DNAJC15: variants seen among roughly 807,000 people sequenced by gnomAD.
DNAJC15 encodes DnaJ heat shock protein family (Hsp40) member C15.
DNAJC15 carries 27 observed loss-of-function variants against 22.4 expected under a neutral mutation model. That is an observed-to-expected ratio of 1.20 (90% CI 0.89 to 1.66). The LOEUF (loss-of-function observed/expected upper bound fraction) is 1.66. DNAJC15 is among the 40% of genes most tolerant of loss of function. The pLI is 0.00. For missense variants in DNAJC15, 208 were observed against 187.1 expected (o/e 1.11, Z -0.65); for synonymous variants, 79 against 63.2 (o/e 1.25, Z -1.19).
intron 5 of DNAJC15, among the ~76,000 whole-genome samples, chr13:43,100,959 T>C (rs1405848268): frequency 6.6e-6 from 1 of 152,222 alleles, no homozygotes; most frequent in Admixed American, 6.5e-5. Flanking sequence ...ATGTTTACAG[T>C]TGTCCCATCT....
chr13:43,113,033 A>G lies in DNAJC15; in HGVS notation c.*5785A>G, dbSNP rs2040831818. ...TAGCAAAAGTTCTGTTGTAAAGTTTAGCAGAGTGACTTTCTTTGACTCAGA... is the reference window on the plus strand; with the variant it reads ...TAGCAAAAGTTCTGTTGTAAAGTTTGGCAGAGTGACTTTCTTTGACTCAGA... On this transcript the variant is annotated 3_prime_UTR_variant, in exon 6 of 6. Coordinates refer to ENST00000379221, the MANE Select transcript of DNAJC15 (RefSeq NM_013238.3). 6.6e-6 allele frequency: 1 copy of G among 152,228 alleles called. No individual in the cohort carries two copies. The highest frequency in any genetic ancestry group is 2.1e-4 in the South Asian group (1 of 4,836). 9.4% of individuals were successfully genotyped at this position (152,228 alleles called of 1,614,324 possible).
chr13:43,109,055 T>C lies in DNAJC15; in HGVS notation c.*1807T>C, dbSNP rs2040812400. On this transcript the variant is annotated 3_prime_UTR_variant, in exon 6 of 6. Transcript: ENST00000379221. ...AGGCCAAGCTAAAATGTATCCCTCT[T>C]TTTCTGGTACATGCAGCAAAAGTAA... is the stretch of plus-strand genomic sequence containing the variant. 6.6e-6 allele frequency: 1 copy of C among 152,194 alleles called. No individual in the cohort carries two copies. The highest frequency in any genetic ancestry group is 1.5e-5 in the Non-Finnish European group (1 of 68,036). 9.4% of individuals were successfully genotyped at this position (152,194 alleles called of 1,614,324 possible). A position where few individuals can be genotyped will look rare whatever the true frequency, so the allele number is the denominator to read the frequency against.
At chr13:43,051,460 T>C (rs1400699340) in intron 1 of DNAJC15, among the ~76,000 whole-genome samples, 2 of 152,188 alleles carry the variant, frequency 1.3e-5, no homozygotes, top group African/African-American at 4.8e-5. Context: ...CAATCCGTTG[T>C]ATCAATTCTT....
chr13:43,070,472 G>C (rs976150786), intron 3 of DNAJC15, among the ~76,000 whole-genome samples: 1 of 151,862 alleles, frequency 6.6e-6, no homozygotes, highest in Non-Finnish European at 1.5e-5. Context: ...AAAAAATGAA[G>C]TAAGATATAT....
intron 1 of DNAJC15, among the ~76,000 whole-genome samples, chr13:43,040,764 A>T (rs2040450156): frequency 6.6e-6 from 1 of 152,168 alleles, no homozygotes; most frequent in Admixed American, 6.5e-5. Context: ...TGGCAGGGTC[A>T]TAGGATAATG....
intron 1 of DNAJC15, among the ~76,000 whole-genome samples, chr13:43,031,503 A>C (rs17064064): frequency 0.018 from 2,677 of 152,320 alleles, 96 homozygotes; most frequent in East Asian, 0.12. Context: ...GGACAAGCCT[A>C]GTTGAAAATG....
At chr13:43,089,769 A>G (rs1008168187) in intron 5 of DNAJC15, among the ~76,000 whole-genome samples, 3 of 152,230 alleles carry the variant, frequency 2.0e-5, no homozygotes, top group Non-Finnish European at 2.9e-5. Context: ...AATTCAGTAC[A>G]CCTTTTAAGA....
intron 5 of DNAJC15, among the ~76,000 whole-genome samples, chr13:43,087,010 C>T (rs1378516688): frequency 6.6e-6 from 1 of 152,092 alleles, no homozygotes; most frequent in Non-Finnish European, 1.5e-5. Flanking sequence ...TTGAAAACTC[C>T]CTTAACTCCA....
chr13:43,078,548 A>T lies in DNAJC15; in HGVS notation c.235-64A>T, dbSNP rs530867153. 1.4e-4 allele frequency: 186 copies of T among 1,314,744 alleles called. 2 individuals are homozygous for T. The Middle Eastern group carries it at 2.1e-3, about 15-fold the overall frequency. The allele number at this position is 1,314,744 out of a possible 1,614,324, so 81.4% of individuals were successfully genotyped here. The stretch of plus-strand genomic sequence containing the variant: ...TTACTCTCACTGCAGCTACATGATG[A>T]GATTGAGGTCATGCCACCTCATACG... On this transcript the variant is annotated intron_variant, in intron 3 of 5. Transcript: ENST00000379221.
At chr13:43,089,242 T>C (rs1425162848) in intron 5 of DNAJC15, among the ~76,000 whole-genome samples, 1 of 152,228 alleles carries the variant, frequency 6.6e-6, no homozygotes, top group Non-Finnish European at 1.5e-5. Flanking sequence ...TCAAAAATTA[T>C]TTATTTAGCA....
intron 5 of DNAJC15, among the ~76,000 whole-genome samples, chr13:43,093,822 A>T (rs1197322405): frequency 1.3e-5 from 2 of 152,158 alleles, no homozygotes; most frequent in Non-Finnish European, 2.9e-5. Flanking sequence ...TATCTTTTCC[A>T]CAATAAAATT....
At chr13:43,083,368 CA>C (rs2040672817) in intron 4 of DNAJC15, among the ~76,000 whole-genome samples, 1 of 152,076 alleles carries the variant, frequency 6.6e-6, no homozygotes, top group Non-Finnish European at 1.5e-5. Flanking sequence ...AGGGTTTCAC[CA>C]TGTTAGCCAG....
At chr13:43,101,714 A>G (rs765335804) in intron 5 of DNAJC15, among the ~76,000 whole-genome samples, 2 of 152,198 alleles carry the variant, frequency 1.3e-5, no homozygotes. Flanking sequence ...GTTACTTTGC[A>G]TAGAATAATG....
At chr13:43,070,808 C>T (rs751482904) in intron 3 of DNAJC15, among the ~76,000 whole-genome samples, 1 of 152,026 alleles carries the variant, frequency 6.6e-6, no homozygotes, top group Non-Finnish European at 1.5e-5. Context: ...GAAAGAAAGC[C>T]CTTGGAAGGG....
intron 1 of DNAJC15, among the ~76,000 whole-genome samples, chr13:43,027,120 A>G (rs1430242712): frequency 2.6e-5 from 4 of 152,270 alleles, no homozygotes; most frequent in African/African-American, 9.6e-5. Context: ...AAAGTAGAAA[A>G]GAAACTTTAA....
chr13:43,087,680 C>T (rs76262389), intron 5 of DNAJC15, among the ~76,000 whole-genome samples: 1,980 of 152,238 alleles, frequency 0.013, 21 homozygotes, highest in Non-Finnish European at 0.019. Flanking sequence ...TTTCCCCACC[C>T]ACCCCCAAGG....
intron 1 of DNAJC15, among the ~76,000 whole-genome samples, chr13:43,037,071 G>C (rs565720700): frequency 8.2e-4 from 125 of 152,340 alleles, no homozygotes; most frequent in African/African-American, 2.9e-3. Flanking sequence ...CCTGTTCCCA[G>C]CTCCCGGCAG....
intron 1 of DNAJC15, among the ~76,000 whole-genome samples, chr13:43,057,946 G>T (rs59667456): frequency 0.018 from 2,681 of 152,280 alleles, 97 homozygotes; most frequent in East Asian, 0.13. Context: ...GTCAAACACA[G>T]ATGTGATCTG....
intron 1 of DNAJC15, among the ~76,000 whole-genome samples, chr13:43,045,606 C>T (rs1313708811): frequency 6.6e-6 from 1 of 152,132 alleles, no homozygotes; most frequent in Non-Finnish European, 1.5e-5. Flanking sequence ...CTATGGGTAA[C>T]ATCGGGTTCT....
Sources: allele counts gnomAD v4.1 joint callset (sites outside exome capture counted in the v4.1 genomes callset), GRCh38; gene constraint gnomAD v4.1.1; transcripts MANE v1.5; gene names NCBI Gene and HGNC (gene_info 2026-07-23, HGNC 2026-07-21).